TRPM1: variants seen among roughly 807,000 people sequenced by gnomAD.
TRPM1 encodes the protein transient receptor potential cation channel subfamily M member 1.
A neutral mutation model predicts 149.4 loss-of-function variants in TRPM1; 113 were observed. The observed-to-expected ratio is 0.76, with a 90% confidence interval of 0.65 to 0.88. The LOEUF is 0.88. Ranked by LOEUF, TRPM1 falls within the 40% of genes least tolerant of loss-of-function variation. The pLI is 0.00. For missense variants in TRPM1, 1,976 were observed against 2,038.7 expected (o/e 0.97, Z 0.59); for synonymous variants, 741 against 759.5 (o/e 0.98, Z 0.40).
chr15:31,041,945 A>C lies in TRPM1; in HGVS notation c.2087+6T>G, dbSNP rs760758606. On this transcript the variant is annotated splice_donor_region_variant and intron_variant, in intron 17 of 27. Coordinates refer to ENST00000256552, the MANE Select transcript of TRPM1 (RefSeq NM_001252024.2). The stretch of plus-strand genomic sequence containing the variant: ...CCTGGCCTTTAAATCCCCGCTAGAC[A>C]CTAACTTGGAATTGTTATCCAAGTC... The C allele has an allele frequency of 6.2e-7, 1 of 1,614,078 alleles. No individual in the cohort carries two copies. Among genetic ancestry groups the C allele is most frequent in the Non-Finnish European group, 8.5e-7 (1 of 1,179,996 alleles).
Position 31,060,657 on chromosome 15 carries a change from G to C in TRPM1, c.1163-13C>G. 1 of 1,612,250 alleles carries C rather than the reference G, an allele frequency of 6.2e-7. No homozygotes were observed. Among genetic ancestry groups the C allele is most frequent in the South Asian group, 1.1e-5 (1 of 90,890 alleles). ...GATACGTTTGTTCCTGGAAAGGCAA[G>C]AAACCGGAATGATTTTTCACTCCAC... On this transcript the variant is annotated splice_polypyrimidine_tract_variant and intron_variant, in intron 10 of 27. Coordinates refer to ENST00000256552, the MANE Select transcript of TRPM1 (RefSeq NM_001252024.2).
At chr15:31,132,821 G>A (rs897332770) in intron 1 of TRPM1, among the ~76,000 whole-genome samples, 1 of 152,126 alleles carries the variant, frequency 6.6e-6, no homozygotes, top group African/African-American at 2.4e-5. Context: ...TACATCTCAC[G>A]AGACCTGATG....
In TRPM1 at chr15:31,063,167, G is replaced by A. The variant is rs755019950; in HGVS notation, c.916C>T (p.Arg306Cys). Residue 306 changes from arginine (R) to cysteine (C), a missense_variant, in exon 8 of 28, where the codon CGT (arginine) becomes TGT (cysteine). This residue lies in a region of TRPM1 where 1,332 missense variants were observed against 1,347.1 expected (regional missense o/e 0.99). Transcript: ENST00000256552. ...GCAAAGGACAGGATGTCCGAGGCACGTCCGCTGCCATCACAAATCACCACA... is the reference window on the plus strand; with the variant it reads ...GCAAAGGACAGGATGTCCGAGGCACATCCGCTGCCATCACAAATCACCACA... ...IPVVICDGSG[R>C]ASDILSFAHK... is the part of the protein sequence containing the mutation. The A allele has an allele frequency of 7.4e-6, 12 of 1,614,184 alleles. No homozygotes were observed. The highest frequency in any genetic ancestry group is 1.3e-5 in the African/African-American group (1 of 75,048).
At chr15:31,052,888 A>T (rs1450144887) in intron 11 of TRPM1, among the ~76,000 whole-genome samples, 4 of 152,226 alleles carry the variant, frequency 2.6e-5, no homozygotes, top group African/African-American at 9.7e-5. Context: ...AGGCACAGGC[A>T]CAAACGGAAA....
Position 31,028,330 on chromosome 15 carries a change from A to G in TRPM1, c.3293+2T>C. On this transcript the variant is annotated splice_donor_variant, in intron 25 of 27. Coordinates refer to ENST00000256552, the MANE Select transcript of TRPM1 (RefSeq NM_001252024.2). LOFTEE classifies it high-confidence loss of function. ...CATGTGGTCATCGGCTGTGACACGT[A>G]CTTGAACACAGCAATCAGCAGGTTC... 6.2e-7 allele frequency: 1 copy of G among 1,614,184 alleles called. No individual in the cohort carries two copies. The highest frequency in any genetic ancestry group is 8.5e-7 in the Non-Finnish European group (1 of 1,180,020).
At chr15:31,073,894 G>A (rs1013953478) in intron 3 of TRPM1, among the ~76,000 whole-genome samples, 5 of 151,994 alleles carry the variant, frequency 3.3e-5, no homozygotes, top group African/African-American at 7.2e-5. Context: ...CTGGTTTTCC[G>A]AGTGATTTTT....
intron 11 of TRPM1, among the ~76,000 whole-genome samples, chr15:31,059,434 C>T (rs928503715): frequency 1.3e-5 from 2 of 152,130 alleles, no homozygotes; most frequent in Non-Finnish European, 2.9e-5. Context: ...GAGATGGGAT[C>T]TCATTCTCTC....
At chr15:31,005,368 C>T (rs1265142709) in intron 27 of TRPM1, among the ~76,000 whole-genome samples, 1 of 152,022 alleles carries the variant, frequency 6.6e-6, no homozygotes, top group Non-Finnish European at 1.5e-5. Flanking sequence ...ATTCAGATAA[C>T]AGCACTCTCA....
intron 14 of TRPM1, 124 bp from the exon 15 acceptor site, chr15:31,047,375 G>A: frequency 1.9e-6 from 2 of 1,057,082 alleles, no homozygotes; most frequent in Admixed American, 2.0e-5. Context: ...AGGTGGGTGG[G>A]TGGGGGATTA....
At chr15:31,028,756 CA>C (rs199728704) in intron 24 of TRPM1, among the ~76,000 whole-genome samples, 11 of 141,952 alleles carry the variant, frequency 7.7e-5, no homozygotes, top group African/African-American at 1.0e-4. Context: ...CCAGTTGTCT[CA>C]AAAAAAAAAC....
rs1300631810 is a variant in TRPM1 at position 31,060,148 on chromosome 15, A to AAC, written c.1263+394_1263+395dup. 7.5e-3 allele frequency: 1,403 copies of AAC among 188,036 alleles called. 17 individuals carry two copies. The highest frequency in any genetic ancestry group is 0.053 in the African/African-American group (1,315 of 24,724). 11.6% of individuals were successfully genotyped at this position (188,036 alleles called of 1,614,324 possible). A position where few individuals can be genotyped will look rare whatever the true frequency, so the allele number is the denominator to read the frequency against. On this transcript the variant is annotated intron_variant, in intron 11 of 27. Coordinates refer to ENST00000256552, the MANE Select transcript of TRPM1 (RefSeq NM_001252024.2). ...ACACACACATAGACACACACACATA[A>AAC]ACACACACACACACAGAGTTCTCTA... is the stretch of plus-strand genomic sequence containing the variant.
chr15:31,016,627 C>A (rs1300150808), intron 27 of TRPM1, among the ~76,000 whole-genome samples: 1 of 152,144 alleles, frequency 6.6e-6, no homozygotes, highest in East Asian at 1.9e-4. Flanking sequence ...AAGAGCAATT[C>A]CTGAGGGCCA....
intron 1 of TRPM1, among the ~76,000 whole-genome samples, chr15:31,114,805 C>T (rs1209615488): frequency 6.6e-6 from 1 of 152,088 alleles, no homozygotes; most frequent in Non-Finnish European, 1.5e-5. Context: ...TTGTAATAGA[C>T]TTAACAAAGA....
intron 27 of TRPM1, among the ~76,000 whole-genome samples, chr15:31,015,606 C>T (rs2032332679): frequency 6.6e-6 from 1 of 152,138 alleles, no homozygotes; most frequent in Admixed American, 6.6e-5. Context: ...CTTCCCATCA[C>T]ACTTAAGATA....
chr15:31,110,908 C>G (rs1020647778), intron 1 of TRPM1, among the ~76,000 whole-genome samples: 2 of 149,590 alleles, frequency 1.3e-5, no homozygotes, highest in Admixed American at 1.3e-4. Flanking sequence ...TCTCTCCCCC[C>G]CCTTCCCTCC....
chr15:31,117,834 A>G (rs2035822610), intron 1 of TRPM1, among the ~76,000 whole-genome samples: 1 of 152,236 alleles, frequency 6.6e-6, no homozygotes, highest in South Asian at 2.1e-4. Flanking sequence ...GCCATTGATC[A>G]AGAGGCTAGA....
At chr15:31,019,424 G>GGCT (rs770175160) in intron 27 of TRPM1, among the ~76,000 whole-genome samples, 4 of 152,136 alleles carry the variant, frequency 2.6e-5, no homozygotes, top group African/African-American at 4.8e-5. Context: ...GTTTTTGAGA[G>GGCT]GGAGTCTCTG....
At chr15:31,089,135 TGAA>T (rs2140996954) in intron 1 of TRPM1, among the ~76,000 whole-genome samples, 1 of 152,354 alleles carries the variant, frequency 6.6e-6, no homozygotes, top group African/African-American at 2.4e-5. Context: ...GTGTGGAAAC[TGAA>T]GACAGGCTGC....
intron 3 of TRPM1, among the ~76,000 whole-genome samples, chr15:31,073,451 ATTC>A (rs1415079743): frequency 6.6e-6 from 1 of 152,046 alleles, no homozygotes; most frequent in Non-Finnish European, 1.5e-5. Context: ...TCCTCCTATT[ATTC>A]TTTTTGATGC....
Sources: gnomAD v4.1 joint callset for allele counts (sites outside exome capture counted in the v4.1 genomes callset) on GRCh38, gnomAD v4.1.1 for gene constraint, gnomAD v4.1.1 regional missense constraint, MANE v1.5 for transcripts, NCBI Gene and HGNC (gene_info 2026-07-23, HGNC 2026-07-21) for gene names.